C10orf90: variants seen among roughly 807,000 people sequenced by gnomAD.
C10orf90 encodes the protein chromosome 10 open reading frame 90.
In C10orf90, 56 loss-of-function variants were observed where a neutral mutation model predicts 62.5. The observed-to-expected ratio is 0.90, with a 90% CI of 0.72 to 1.12. The LOEUF is 1.12. Ranked by LOEUF, C10orf90 falls within the 50% of genes most tolerant of loss-of-function variation. The pLI, the probability that C10orf90 is intolerant of heterozygous loss-of-function variation, is 0.00. For synonymous variants in C10orf90, 386 were observed against 340.4 expected (o/e 1.13, Z -1.47); for missense variants, 970 against 880.4 (o/e 1.10, Z -1.29).
chr10:126,632,544 C>T (rs1845870898), intron 2 of C10orf90, among the ~76,000 whole-genome samples: 1 of 151,828 alleles, frequency 6.6e-6, no homozygotes, highest in Non-Finnish European at 1.5e-5. Context: ...GAAAATAGCA[C>T]AAATCCTTTT....
At chr10:126,605,429 G>A (rs1364487758) in intron 2 of C10orf90, among the ~76,000 whole-genome samples, 1 of 152,120 alleles carries the variant, frequency 6.6e-6, no homozygotes, top group East Asian at 1.9e-4. Flanking sequence ...TCTGGGGCTT[G>A]TTGTGGAGGA....
intron 7 of C10orf90, among the ~76,000 whole-genome samples, chr10:126,450,095 A>G (rs934839483): frequency 6.6e-6 from 1 of 152,218 alleles, no homozygotes; most frequent in Admixed American, 6.5e-5. Flanking sequence ...TCACAAAAAT[A>G]AAATACATAG....
At chr10:126,632,258 A>C (rs1845865055) in intron 2 of C10orf90, among the ~76,000 whole-genome samples, 2 of 151,968 alleles carry the variant, frequency 1.3e-5, no homozygotes, top group Non-Finnish European at 2.9e-5. Flanking sequence ...CTGGGGCTGC[A>C]GCAAGGAGGG....
chr10:126,426,460 A>G (rs1312614853), intron 8 of C10orf90, among the ~76,000 whole-genome samples: 1 of 152,230 alleles, frequency 6.6e-6, no homozygotes, highest in Admixed American at 6.5e-5. Context: ...TAGCATTCTG[A>G]TTGTAAACTT....
At chr10:126,571,407 C>T (rs1038159285) in intron 2 of C10orf90, among the ~76,000 whole-genome samples, 10 of 152,204 alleles carry the variant, frequency 6.6e-5, no homozygotes, top group African/African-American at 2.4e-4. Flanking sequence ...TGGGAACCTG[C>T]AGGGCTGCTC....
chr10:126,621,278 T>G (rs1198409140), intron 2 of C10orf90, among the ~76,000 whole-genome samples: 2 of 152,258 alleles, frequency 1.3e-5, no homozygotes, highest in African/African-American at 4.8e-5. Context: ...TTTAGTGAGG[T>G]TGGATATTTC....
At chr10:126,613,541 C>T (rs1028981668) in intron 2 of C10orf90, among the ~76,000 whole-genome samples, 3 of 152,192 alleles carry the variant, frequency 2.0e-5, no homozygotes, top group Non-Finnish European at 4.4e-5. Context: ...CCACCATGCC[C>T]GGCCTCAGAT....
intron 2 of C10orf90, among the ~76,000 whole-genome samples, chr10:126,525,505 C>T (rs144235168): frequency 5.4e-4 from 83 of 152,300 alleles, no homozygotes; most frequent in African/African-American, 2.0e-3. Context: ...GAGCCGGAGC[C>T]TGCAGAGATG....
intron 2 of C10orf90, among the ~76,000 whole-genome samples, chr10:126,516,358 G>T (rs1863438919): frequency 1.3e-5 from 2 of 152,170 alleles, no homozygotes; most frequent in South Asian, 2.1e-4. Flanking sequence ...CCAAGACCCA[G>T]CTGGTTGCTA....
chr10:126,472,844 G>C (rs1477584973), intron 4 of C10orf90, among the ~76,000 whole-genome samples: 1 of 152,130 alleles, frequency 6.6e-6, no homozygotes, highest in African/African-American at 2.4e-5. Flanking sequence ...GTGTCTGCGT[G>C]TGTGCATGTG....
At chr10:126,439,563 T>A (rs571860860) in intron 7 of C10orf90, among the ~76,000 whole-genome samples, 1 of 151,392 alleles carries the variant, frequency 6.6e-6, no homozygotes, top group African/African-American at 2.4e-5. Flanking sequence ...AGAAAAAAAA[T>A]GACATCAGGA....
chr10:126,503,673 C>T (rs1862530388), intron 4 of C10orf90, among the ~76,000 whole-genome samples: 1 of 152,126 alleles, frequency 6.6e-6, no homozygotes, highest in African/African-American at 2.4e-5. Context: ...AATTAACTTC[C>T]TTTGGAGGCC....
At chr10:126,501,230 G>T (rs1343616644) in intron 4 of C10orf90, among the ~76,000 whole-genome samples, 1 of 152,222 alleles carries the variant, frequency 6.6e-6, no homozygotes, top group Non-Finnish European at 1.5e-5. Flanking sequence ...TCCACACGTT[G>T]TGCAGGCTGT....
intron 7 of C10orf90, among the ~76,000 whole-genome samples, chr10:126,430,185 T>C (rs552215743): frequency 1.3e-4 from 19 of 151,948 alleles, no homozygotes; most frequent in Non-Finnish European, 2.2e-4. Context: ...ATTCCACCCA[T>C]AGAGAAATCC....
At chr10:126,539,183 T>C (rs1864316338) in intron 2 of C10orf90, among the ~76,000 whole-genome samples, 1 of 152,202 alleles carries the variant, frequency 6.6e-6, no homozygotes, top group Non-Finnish European at 1.5e-5. Context: ...AGAAGGAATT[T>C]TTCACTTTTG....
At chr10:126,603,977 C>T (rs904888133) in intron 2 of C10orf90, among the ~76,000 whole-genome samples, 1 of 152,162 alleles carries the variant, frequency 6.6e-6, no homozygotes, top group African/African-American at 2.4e-5. Context: ...TACTCAAGCT[C>T]GTCAAAAGTG....
chr10:126,581,911 C>A (rs954964453), intron 2 of C10orf90, among the ~76,000 whole-genome samples: 1 of 152,172 alleles, frequency 6.6e-6, no homozygotes, highest in Non-Finnish European at 1.5e-5. Context: ...TGCACAGTGG[C>A]AGCATCTCAG....
chr10:126,620,942 A>T lies in C10orf90; in HGVS notation c.313+25623T>A, dbSNP rs570684925. Among the ~76,000 whole-genome samples the T allele has an allele frequency of 2.4e-4, 36 of 152,260 alleles. 1 individual carries two copies. In the South Asian group the frequency reaches 3.9e-3, roughly 17 times the overall value. Reference sequence around the variant, plus strand: ...CTTTATTTTATATGCATAGTTTGTCACTGTTTTTTAATTTGACATAAGAAT... The same window carrying T: ...CTTTATTTTATATGCATAGTTTGTCTCTGTTTTTTAATTTGACATAAGAAT... On this transcript the variant is annotated intron_variant, in intron 2 of 9. Coordinates refer to ENST00000488181, the MANE Select transcript of C10orf90 (RefSeq NM_001350921.2).
At chr10:126,664,005 G>A (rs776048559) in intron 1 of C10orf90, among the ~76,000 whole-genome samples, 6 of 152,102 alleles carry the variant, frequency 3.9e-5, no homozygotes, top group Non-Finnish European at 7.4e-5. Context: ...TAGCTTTATC[G>A]TGAGGGAATC....
Sources: allele counts gnomAD v4.1 joint callset (sites outside exome capture counted in the v4.1 genomes callset), GRCh38; gene constraint gnomAD v4.1.1; transcripts MANE v1.5; gene names NCBI Gene and HGNC (gene_info 2026-07-23, HGNC 2026-07-21).